The following CNIH3 variants were observed in gnomAD, a reference collection of about 807,000 sequenced individuals.
The protein encoded by CNIH3 is cornichon family AMPA receptor auxiliary protein 3, also known as protein cornichon homolog 3.
In CNIH3, 14 loss-of-function variants were observed where a neutral mutation model predicts 24.1. The observed-to-expected ratio is 0.58, with a 90% CI of 0.38 to 0.91. The LOEUF is 0.91. Among genes scored for constraint, CNIH3 ranks in the 40% least tolerant of loss-of-function variants. CNIH3 has a pLI of 0.00. For missense variants in CNIH3, 178 were observed against 196.8 expected (o/e 0.90, Z 0.57); for synonymous variants, 68 against 73.8 (o/e 0.92, Z 0.40).
At position 224,450,447 on chromosome 1, in the gene CNIH3, G is replaced by A. The variant is rs185488157; in HGVS notation, n.203+15585G>A. ...CTCTCAGGGGTACCCTTGAGGCTGA[G>A]ATCTGAATGAACTACTCTCGTGAAG... is the stretch of plus-strand genomic sequence containing the variant. On this transcript the variant is annotated intron_variant and non_coding_transcript_variant, in intron 1 of 5. Transcript: ENST00000471578. 1.7e-3 allele frequency among the ~76,000 whole-genome samples: 254 copies of A among 152,298 alleles called. 1 individual carries two copies. Among genetic ancestry groups the A allele is most frequent in the Non-Finnish European group, 1.2e-3 (85 of 68,026 alleles).
chr1:224,520,441 A>G (rs1031558272), intron 1 of CNIH3, among the ~76,000 whole-genome samples: 2 of 152,360 alleles, frequency 1.3e-5, no homozygotes, highest in South Asian at 2.1e-4. Flanking sequence ...TTGCTCTTGA[A>G]CAAACTCTCT....
chr1:224,498,523 T>C (rs952165574), intron 1 of CNIH3, among the ~76,000 whole-genome samples: 7 of 152,194 alleles, frequency 4.6e-5, no homozygotes, highest in African/African-American at 1.4e-4. Context: ...CCTGTCTTCT[T>C]TGATGCAGAT....
chr1:224,666,349 G>A (rs1249885147), intron 1 of CNIH3, among the ~76,000 whole-genome samples: 1 of 152,210 alleles, frequency 6.6e-6, no homozygotes, highest in African/African-American at 2.4e-5. Flanking sequence ...TTCCAGCAGG[G>A]TCATGTCCTG....
At chr1:224,608,498 C>G (rs539975493) in intron 3 of CNIH3, among the ~76,000 whole-genome samples, 101 of 152,202 alleles carry the variant, frequency 6.6e-4, no homozygotes, top group Non-Finnish European at 1.0e-4. Flanking sequence ...GGGTGCGTGA[C>G]TGGGGGATGC....
intron 3 of CNIH3, among the ~76,000 whole-genome samples, chr1:224,696,320 C>G (rs1396337254): frequency 6.6e-6 from 1 of 152,238 alleles, no homozygotes; most frequent in Non-Finnish European, 1.5e-5. Flanking sequence ...CACCACTTCT[C>G]TTTAACTGTT....
chr1:224,649,309 G>A (rs994649742), intron 1 of CNIH3, among the ~76,000 whole-genome samples: 11 of 152,164 alleles, frequency 7.2e-5, no homozygotes, highest in Admixed American at 6.5e-4. Context: ...GGTGGTCTCC[G>A]AGAGCTGGAA....
In CNIH3 at chr1:224,458,987, A is replaced by G. The variant is rs1675794943; in HGVS notation, n.203+24125A>G. The stretch of plus-strand genomic sequence containing the variant: ...ACTGTTATGTGGTCCTTGTACCCAG[A>G]GGCCCTGTTCAGCTCCAGTGATCAG... On this transcript the variant is annotated intron_variant and non_coding_transcript_variant, in intron 1 of 5. Coordinates refer to the CNIH3 transcript ENST00000471578. The surrounding 1 kb of genome is among the most constrained non-coding windows in gnomAD (Gnocchi z 4.3). Among the ~76,000 whole-genome samples, 1 of 152,202 alleles carries G rather than the reference A, an allele frequency of 6.6e-6. No individual in the cohort carries two copies. The highest frequency in any genetic ancestry group is 2.1e-4 in the South Asian group (1 of 4,828).
chr1:224,633,283 C>A (rs1683920291), intron 1 of CNIH3, among the ~76,000 whole-genome samples: 1 of 152,110 alleles, frequency 6.6e-6, no homozygotes, highest in African/African-American at 2.4e-5. Context: ...CTCAGCCCGC[C>A]AAGTAGCTGG....
At chr1:224,680,541 C>T (rs1224765179) in intron 1 of CNIH3, among the ~76,000 whole-genome samples, 1 of 152,216 alleles carries the variant, frequency 6.6e-6, no homozygotes, top group Admixed American at 6.5e-5. Flanking sequence ...CACCTGACTT[C>T]TGTCTGTTTC....
intron 1 of CNIH3, among the ~76,000 whole-genome samples, chr1:224,501,527 T>TATATATATA (rs1558111650): frequency 1.0e-5 from 1 of 96,476 alleles, no homozygotes; most frequent in African/African-American, 3.4e-5. Flanking sequence ...ATATATATAT[T>TATATATATA]TTTTTTTTTT....
At chr1:224,733,384 G>A (rs1409494603) in intron 4 of CNIH3, among the ~76,000 whole-genome samples, 3 of 152,216 alleles carry the variant, frequency 2.0e-5, no homozygotes, top group Non-Finnish European at 4.4e-5. Context: ...TAAAACCACA[G>A]TGACAGCAAA....
At chr1:224,580,754 G>T (rs1572517999) in intron 4 of CNIH3, among the ~76,000 whole-genome samples, 1 of 151,240 alleles carries the variant, frequency 6.6e-6, no homozygotes, top group Non-Finnish European at 1.5e-5. Flanking sequence ...TTGAACCAGG[G>T]AGTCGGAGGT....
At chr1:224,606,337 G>A (rs1307770793) in intron 3 of CNIH3, among the ~76,000 whole-genome samples, 2 of 152,166 alleles carry the variant, frequency 1.3e-5, no homozygotes, top group Non-Finnish European at 2.9e-5. Context: ...TGGCGAATGT[G>A]GAGGATTTTA....
intron 1 of CNIH3, among the ~76,000 whole-genome samples, chr1:224,622,496 A>G (rs937928329): frequency 1.3e-5 from 2 of 152,238 alleles, no homozygotes; most frequent in Admixed American, 6.5e-5. Flanking sequence ...CTCTCCCTGA[A>G]AAAGAAAGCT....
At chr1:224,437,571 C>T (rs1674717264) in intron 1 of CNIH3, among the ~76,000 whole-genome samples, 1 of 152,094 alleles carries the variant, frequency 6.6e-6, no homozygotes, top group African/African-American at 2.4e-5. Flanking sequence ...TTCATATAAG[C>T]CAGTATTTTT....
chr1:224,552,387 A>T (rs1475276939), intron 3 of CNIH3, among the ~76,000 whole-genome samples: 1 of 151,594 alleles, frequency 6.6e-6, no homozygotes, highest in East Asian at 1.9e-4. Context: ...GGAGTAATAT[A>T]TCATCTCCCT....
intron 1 of CNIH3, among the ~76,000 whole-genome samples, chr1:224,474,139 C>T (rs1410196509): frequency 6.6e-6 from 1 of 152,042 alleles, no homozygotes. Flanking sequence ...CCAAGGTGGG[C>T]AGATCATGTG....
chr1:224,470,784 G>C (rs1294054021), intron 1 of CNIH3, among the ~76,000 whole-genome samples: 4 of 152,108 alleles, frequency 2.6e-5, no homozygotes, highest in African/African-American at 7.2e-5. Context: ...TAAAGATGTT[G>C]TTCCATTGTC....
At chr1:224,733,964 G>C (rs1053742846) in intron 4 of CNIH3, among the ~76,000 whole-genome samples, 1 of 152,130 alleles carries the variant, frequency 6.6e-6, no homozygotes, top group Non-Finnish European at 1.5e-5. Flanking sequence ...CACACAGTTC[G>C]CGTTAGCTGC....
Sources: gnomAD v4.1 joint callset for allele counts (sites outside exome capture counted in the v4.1 genomes callset) on GRCh38, gnomAD v4.1.1 for gene constraint, Gnocchi (gnomAD v3.1) non-coding constraint, MANE v1.5 for transcripts, NCBI Gene and HGNC (gene_info 2026-07-23, HGNC 2026-07-21) for gene names.